DEPTOR: variants seen among roughly 807,000 people sequenced by gnomAD.
DEPTOR encodes the protein DEP domain-containing mTOR-interacting protein.
In DEPTOR, 41 loss-of-function variants were observed where a neutral mutation model predicts 41.6. The observed-to-expected ratio is 0.98, with a 90% CI of 0.77 to 1.28. The LOEUF (loss-of-function observed/expected upper bound fraction) is 1.28, where lower values mean the gene tolerates loss of function less well. Ranked by LOEUF, DEPTOR falls within the 50% of genes most tolerant of loss-of-function variation. DEPTOR has a pLI of 0.00. For missense variants in DEPTOR, 514 were observed against 527.9 expected, an observed-to-expected ratio of 0.97 and a Z score of 0.26; for synonymous variants, 195 against 192.3, an observed-to-expected ratio of 1.01 and a Z score of -0.12.
At chr8:120,015,616 G>A (rs539798699) in intron 8 of DEPTOR, among the ~76,000 whole-genome samples, 14 of 152,270 alleles carry the variant, frequency 9.2e-5, no homozygotes, top group South Asian at 6.2e-4. Context: ...ATGGACACAC[G>A]TGGAGTGGTT....
At chr8:119,949,574 A>G (rs1318802495) in intron 3 of DEPTOR, among the ~76,000 whole-genome samples, 1 of 152,202 alleles carries the variant, frequency 6.6e-6, no homozygotes, top group Non-Finnish European at 1.5e-5. Flanking sequence ...ATGAAATGTT[A>G]TGTCATTATA....
At chr8:119,926,908 CA>C (rs1827970828) in intron 1 of DEPTOR, among the ~76,000 whole-genome samples, 2 of 152,122 alleles carry the variant, frequency 1.3e-5, no homozygotes, top group South Asian at 4.1e-4. Flanking sequence ...AGTAATAAAG[CA>C]CATAAGATAG....
In DEPTOR at chr8:119,873,908, G is replaced by A. The variant is rs1174271165; in HGVS notation, c.62G>A (p.Gly21Glu). The A allele has an allele frequency of 6.2e-7, 1 of 1,613,830 alleles. No individual in the cohort carries two copies. The highest frequency in any genetic ancestry group is 8.5e-7 in the Non-Finnish European group (1 of 1,179,908). ...GACAGCAGCACCAGCGGGAGTGGCGGGGCGCAGCAAAGGGAGCTGGAGCGC... is the reference window on the plus strand; with the variant it reads ...GACAGCAGCACCAGCGGGAGTGGCGAGGCGCAGCAAAGGGAGCTGGAGCGC... The part of the protein sequence containing the change: ...GSDSSTSGSG[G>E]AQQRELERMA... The change falls in exon 1 of 9, where the codon GGG becomes GAG. Residue 21 changes from glycine to glutamate, a missense_variant. By Grantham distance (98) the Gly-to-Glu change is moderately conservative (BLOSUM62 -2). Coordinates refer to ENST00000286234, the MANE Select transcript of DEPTOR (RefSeq NM_022783.4).
At chr8:119,896,673 T>G (rs529390760) in intron 1 of DEPTOR, among the ~76,000 whole-genome samples, 21 of 152,196 alleles carry the variant, frequency 1.4e-4, no homozygotes, top group African/African-American at 4.6e-4. Context: ...AATTTTTGTA[T>G]TTTTAGTAGA....
At chr8:120,026,374 C>T (rs1812797288) in intron 8 of DEPTOR, among the ~76,000 whole-genome samples, 1 of 151,342 alleles carries the variant, frequency 6.6e-6, no homozygotes, top group South Asian at 2.1e-4. Context: ...TGGAGTTTTG[C>T]TCTTATCACC....
intron 8 of DEPTOR, among the ~76,000 whole-genome samples, chr8:120,033,100 T>C (rs1380194609): frequency 6.6e-6 from 1 of 150,654 alleles, no homozygotes; most frequent in Non-Finnish European, 1.5e-5. Context: ...TTTTTTTTTT[T>C]TTTTGAGACA....
chr8:119,936,761 C>T (rs1370139533), intron 3 of DEPTOR, among the ~76,000 whole-genome samples: 2 of 152,196 alleles, frequency 1.3e-5, no homozygotes, highest in Non-Finnish European at 2.9e-5. Context: ...TAGTGGCCCA[C>T]ACCTGTTATC....
rs546774874 is a variant in DEPTOR at position 119,901,986 on chromosome 8, T to C, written c.123-26414T>C. On this transcript the variant is annotated intron_variant, in intron 1 of 8. Coordinates refer to ENST00000286234, the MANE Select transcript of DEPTOR (RefSeq NM_022783.4). ...TTATTTTTGTGCTAAGTGTCTGTGA[T>C]ACATATTATGAACATCCGCTAACAT... 5.9e-5 allele frequency among the ~76,000 whole-genome samples: 9 copies of C among 152,248 alleles called. No individual in the cohort carries two copies. In the South Asian group the frequency reaches 1.9e-3, roughly 32 times the overall value.
intron 1 of DEPTOR, among the ~76,000 whole-genome samples, chr8:119,889,727 G>A (rs1827427994): frequency 1.3e-5 from 2 of 150,864 alleles, no homozygotes; most frequent in Non-Finnish European, 3.0e-5. Context: ...GCAGGGCAAG[G>A]GGGCTTAAGA....
chr8:119,962,300 C>A (rs1828504089), intron 3 of DEPTOR, among the ~76,000 whole-genome samples: 1 of 151,954 alleles, frequency 6.6e-6, no homozygotes, highest in Non-Finnish European at 1.5e-5. Context: ...GTTTTATGGA[C>A]AAACATGGAC....
chr8:120,002,812 A>ATATATATATATATATATATATATATAT (rs71306853), intron 5 of DEPTOR, among the ~76,000 whole-genome samples, 165 bp from the exon 6 acceptor site: 8 of 130,100 alleles, frequency 6.1e-5, no homozygotes, highest in Admixed American at 2.5e-4. Flanking sequence ...ATATATATAT[A>ATATATATATATATATATATATATATAT]ATATAAAGTA....
At chr8:120,042,094 G>GAAA (rs76331772) in intron 8 of DEPTOR, among the ~76,000 whole-genome samples, 2 of 146,114 alleles carry the variant, frequency 1.4e-5, no homozygotes, top group East Asian at 4.1e-4. Context: ...TAATTATAAG[G>GAAA]AAAAAAAAAA....
At chr8:119,922,053 C>T (rs960843473) in intron 1 of DEPTOR, among the ~76,000 whole-genome samples, 2 of 151,928 alleles carry the variant, frequency 1.3e-5, no homozygotes, top group East Asian at 3.9e-4. Context: ...GCCTAGCCAA[C>T]ATGATGAAAC....
Position 119,928,584 on chromosome 8 carries a change from T to G in DEPTOR, c.301+6T>G. On this transcript the variant is annotated splice_donor_region_variant and intron_variant, in intron 2 of 8. Coordinates refer to ENST00000286234, the MANE Select transcript of DEPTOR (RefSeq NM_022783.4). ...CCGGGGCATTATTCACCATGGTGAG[T>G]GCGGTGGCGAGTCAAGGTGACTTGA... 1.2e-6 allele frequency: 2 copies of G among 1,612,060 alleles called. No homozygotes were observed. The highest frequency in any genetic ancestry group is 8.5e-7 in the Non-Finnish European group (1 of 1,178,926).
At chr8:119,988,947 CTTTTTTTTTTCT>C (rs1828863682) in intron 4 of DEPTOR, among the ~76,000 whole-genome samples, 1 of 115,404 alleles carries the variant, frequency 8.7e-6, no homozygotes, top group Non-Finnish European at 1.8e-5. Context: ...TAGCCATATC[CTTTTTTTTTTCT>C]TTTTTTTTTT....
chr8:120,021,350 C>T (rs1483692240), intron 8 of DEPTOR, among the ~76,000 whole-genome samples: 1 of 152,168 alleles, frequency 6.6e-6, no homozygotes. Flanking sequence ...TTGCAGTGAG[C>T]TGAGATTGCG....
chr8:119,921,200 C>T (rs544125558), intron 1 of DEPTOR, among the ~76,000 whole-genome samples: 1 of 152,294 alleles, frequency 6.6e-6, no homozygotes, highest in East Asian at 1.9e-4. Flanking sequence ...TGGTCTCGAA[C>T]TCCTGACCTC....
chr8:119,900,245 G>A (rs1827568706), intron 1 of DEPTOR, among the ~76,000 whole-genome samples: 1 of 149,594 alleles, frequency 6.7e-6, no homozygotes, highest in Non-Finnish European at 1.5e-5. Flanking sequence ...GCTTGAACCT[G>A]GGAGGTGGAG....
intron 1 of DEPTOR, among the ~76,000 whole-genome samples, chr8:119,906,522 C>G (rs574528186): frequency 6.6e-6 from 1 of 152,078 alleles, no homozygotes; most frequent in Non-Finnish European, 1.5e-5. Context: ...TCTAGCTGTG[C>G]ACCAATGGTT....
Sources: allele counts gnomAD v4.1 joint callset (sites outside exome capture counted in the v4.1 genomes callset), GRCh38; gene constraint gnomAD v4.1.1; transcripts MANE v1.5; gene names NCBI Gene and HGNC (gene_info 2026-07-23, HGNC 2026-07-21).